The following SRBD1 variants were observed in gnomAD, a reference collection of about 807,000 sequenced individuals.
SRBD1 encodes S1 RNA-binding domain-containing protein 1.
Under a neutral mutation model 115.3 loss-of-function variants are expected in SRBD1, and 88 were observed. The ratio of observed to expected loss-of-function variants is 0.76; its 90% CI spans 0.64 to 0.91. The LOEUF (loss-of-function observed/expected upper bound fraction) is 0.91. SRBD1 is among the 40% of genes least tolerant of loss of function. The probability of loss-of-function intolerance (pLI) is 0.00; values close to 1 mark genes in which losing one functional copy is unlikely to be tolerated. For synonymous variants in SRBD1, 509 were observed against 407.7 expected (o/e 1.25, Z -2.99); for missense variants, 1,385 against 1,177.4 (o/e 1.18, Z -2.58).
chr2:45,531,458 A>C (rs1671609024), intron 14 of SRBD1, among the ~76,000 whole-genome samples: 1 of 151,832 alleles, frequency 6.6e-6, no homozygotes, highest in Non-Finnish European at 1.5e-5. Context: ...ACTGAAAATA[A>C]AGTATATATT....
intron 10 of SRBD1, among the ~76,000 whole-genome samples, chr2:45,561,326 A>C (rs1222903136): frequency 6.6e-6 from 1 of 152,244 alleles, no homozygotes; most frequent in East Asian, 1.9e-4. Flanking sequence ...AATTGGCTTA[A>C]GCAATTTACC....
rs928559842 is a variant in SRBD1, at chr2:45,597,615, T to C, written c.648+1834A>G. Reference sequence around the variant, plus strand: ...AAATTGGTGATTATAAGACACCAGATAGAGAGAAAACTAACAGCACCTTCT... The same window carrying C: ...AAATTGGTGATTATAAGACACCAGACAGAGAGAAAACTAACAGCACCTTCT... On this transcript the variant is annotated intron_variant, in intron 4 of 20. Coordinates refer to ENST00000263736, the MANE Select transcript of SRBD1 (RefSeq NM_018079.5). Among the ~76,000 whole-genome samples, 3 of 152,140 alleles carry C rather than the reference T, an allele frequency of 2.0e-5. No homozygotes were observed. In the East Asian group the frequency reaches 5.8e-4, roughly 29 times the overall value.
chr2:45,534,440 C>A (rs948597680), intron 14 of SRBD1, among the ~76,000 whole-genome samples: 2 of 151,828 alleles, frequency 1.3e-5, no homozygotes, highest in African/African-American at 4.8e-5. Context: ...CAACAAAATT[C>A]TAGAATGTCA....
chr2:45,405,432 T>TA (rs1207546824), intron 19 of SRBD1, among the ~76,000 whole-genome samples: 2 of 152,106 alleles, frequency 1.3e-5, no homozygotes, highest in African/African-American at 2.4e-5. Flanking sequence ...TTTAGAAACA[T>TA]AGAGTTTCCA....
chr2:45,599,034 T>G (rs1478619823), intron 4 of SRBD1, among the ~76,000 whole-genome samples: 1 of 152,232 alleles, frequency 6.6e-6, no homozygotes, highest in African/African-American at 2.4e-5. Flanking sequence ...TAGGCCTTGT[T>G]GTAGTACATT....
In SRBD1 at chr2:45,601,905, G is replaced by C; in HGVS notation, c.259C>G (p.Leu87Val). 6.2e-7 allele frequency: 1 copy of C among 1,614,050 alleles called. No individual in the cohort carries two copies. The highest frequency in any genetic ancestry group is 8.5e-7 in the Non-Finnish European group (1 of 1,179,950). ...CTCTATCCAGCTGTAGCACCTACCA[G>C]CTCCTCCTTAACAACAACGACTTCT... ...GSEVVVVKEE[L>V]NSSVAIADTA... Residue 87 changes from leucine (L) to valine (V), a missense_variant and splice_region_variant, in exon 3 of 21, where the codon CTG becomes GTG. Leu to Val is a conservative substitution (Grantham distance 32). Transcript: ENST00000263736.
intron 16 of SRBD1, among the ~76,000 whole-genome samples, chr2:45,435,371 A>C (rs952440875): frequency 6.6e-6 from 1 of 152,038 alleles, no homozygotes; most frequent in Non-Finnish European, 1.5e-5. Context: ...AGGACATAGT[A>C]ATCTTACTGA....
intron 4 of SRBD1, among the ~76,000 whole-genome samples, chr2:45,593,534 C>T (rs1014971752): frequency 3.9e-5 from 6 of 152,144 alleles, no homozygotes; most frequent in African/African-American, 1.4e-4. Flanking sequence ...CTGAGATTTA[C>T]TCCTCCAAAA....
chr2:45,564,585 T>C (rs1317584423), intron 9 of SRBD1, among the ~76,000 whole-genome samples: 1 of 152,186 alleles, frequency 6.6e-6, no homozygotes, highest in Non-Finnish European at 1.5e-5. Flanking sequence ...ATAAAATTAA[T>C]TTATACATAC....
At chr2:45,543,131 T>C (rs867574379) in intron 14 of SRBD1, among the ~76,000 whole-genome samples, 27 of 152,364 alleles carry the variant, frequency 1.8e-4, no homozygotes, top group Admixed American at 4.6e-4. Context: ...AACTTTCATT[T>C]TTTCATGAAC....
intron 14 of SRBD1, among the ~76,000 whole-genome samples, chr2:45,529,616 C>A (rs541178869): frequency 6.6e-5 from 10 of 151,998 alleles, no homozygotes; most frequent in South Asian, 6.2e-4. Flanking sequence ...TCACCAAAGT[C>A]TAAACCATCT....
chr2:45,566,116 T>C (rs1672821916), intron 9 of SRBD1, among the ~76,000 whole-genome samples: 1 of 152,214 alleles, frequency 6.6e-6, no homozygotes, highest in Admixed American at 6.5e-5. Context: ...CTGGTGAGAA[T>C]GTAAAAATGG....
At chr2:45,546,943 T>C in intron 13 of SRBD1, 104 bp from the exon 14 acceptor site, 2 of 1,089,498 alleles carry the variant, frequency 1.8e-6, no homozygotes. Flanking sequence ...GATTCTCTTA[T>C]TCTCTCATAT....
At chr2:45,545,271 C>T (rs912236541) in intron 14 of SRBD1, among the ~76,000 whole-genome samples, 2 of 103,754 alleles carry the variant, frequency 1.9e-5, no homozygotes, top group Non-Finnish European at 3.4e-5. Flanking sequence ...CAGAGCGAGA[C>T]TCTGTCTCAA....
intron 11 of SRBD1, among the ~76,000 whole-genome samples, chr2:45,553,137 A>C (rs1672356104): frequency 6.6e-6 from 1 of 152,066 alleles, no homozygotes; most frequent in Non-Finnish European, 1.5e-5. Flanking sequence ...ACAATTCTGC[A>C]CCTCACCTCT....
chr2:45,451,829 A>G (rs886835335), intron 16 of SRBD1, among the ~76,000 whole-genome samples: 1 of 151,902 alleles, frequency 6.6e-6, no homozygotes, highest in African/African-American at 2.4e-5. Context: ...AGAGATATCA[A>G]TTTTGATTTT....
chr2:45,523,063 G>A (rs1311817456), intron 14 of SRBD1, among the ~76,000 whole-genome samples: 1 of 151,940 alleles, frequency 6.6e-6, no homozygotes, highest in African/African-American at 2.4e-5. Flanking sequence ...TACTCAACAT[G>A]TGTATGAAAC....
chr2:45,408,280 T>C (rs2103846741), intron 19 of SRBD1, among the ~76,000 whole-genome samples: 1 of 152,322 alleles, frequency 6.6e-6, no homozygotes, highest in South Asian at 2.1e-4. Flanking sequence ...GCGTACTTGA[T>C]AGACAGAAAT....
intron 14 of SRBD1, among the ~76,000 whole-genome samples, chr2:45,530,614 A>G (rs1285833870): frequency 4.6e-5 from 7 of 152,206 alleles, no homozygotes; most frequent in African/African-American, 1.7e-4. Context: ...TATATATGAA[A>G]GAAGATGCTA....
Sources: allele counts gnomAD v4.1 joint callset (sites outside exome capture counted in the v4.1 genomes callset), GRCh38; gene constraint gnomAD v4.1.1; transcripts MANE v1.5; gene names NCBI Gene and HGNC (gene_info 2026-07-23, HGNC 2026-07-21).